COL5A1: variants seen among roughly 807,000 people sequenced by gnomAD.
COL5A1 encodes collagen type V alpha 1 chain.
A neutral mutation model predicts 263.7 loss-of-function variants in COL5A1; 16 were observed. The observed-to-expected ratio is 0.06, with a 90% confidence interval of 0.04 to 0.09. The LOEUF (loss-of-function observed/expected upper bound fraction) is 0.09, where lower values mean the gene tolerates loss of function less well. COL5A1 is among the 10% of genes least tolerant of loss of function. The pLI, the probability that COL5A1 is intolerant of heterozygous loss-of-function variation, is 1.00. For missense variants in COL5A1, 2,036 were observed against 2,540.5 expected, an observed-to-expected ratio of 0.80 and a Z score of 4.27; for synonymous variants, 1,012 against 1,004.5, an observed-to-expected ratio of 1.01 and a Z score of -0.14.
At chr9:134,733,126 G>A (rs964746958) in intron 9 of COL5A1, among the ~76,000 whole-genome samples, 1 of 152,226 alleles carries the variant, frequency 6.6e-6, no homozygotes. Context: ...CCAGGACTCA[G>A]TTCCTGAGGG....
chr9:134,768,285 T>G, intron 24 of COL5A1, 125 bp from the exon 25 acceptor site: 4 of 923,642 alleles, frequency 4.3e-6, no homozygotes, highest in Non-Finnish European at 5.4e-6. Flanking sequence ...ACCCAGTGCC[T>G]CTGACCACAC....
rs1032385002 is a variant in COL5A1, at chr9:134,819,514, T to C, written c.4446+461T>C. On this transcript the variant is annotated intron_variant, in intron 57 of 65. Transcript: ENST00000371817. Reference sequence around the variant, plus strand: ...ACATAAAAGGTACTCAGGAGTGAGATGGTTGTATATGAAGCAGAAGGCAGT... The same window carrying C: ...ACATAAAAGGTACTCAGGAGTGAGACGGTTGTATATGAAGCAGAAGGCAGT... Among the ~76,000 whole-genome samples the C allele has an allele frequency of 2.0e-5, 3 of 152,322 alleles. No individual in the cohort carries two copies. In the East Asian group the frequency reaches 5.8e-4, roughly 29 times the overall value.
intron 1 of COL5A1, among the ~76,000 whole-genome samples, chr9:134,656,800 A>AGCT (rs1831988379): frequency 6.6e-6 from 1 of 150,976 alleles, no homozygotes; most frequent in Admixed American, 6.6e-5. Flanking sequence ...TGCTGTTTGC[A>AGCT]GCTTCAGGCC....
rs1836618078 is a variant in COL5A1 at position 134,765,304 on chromosome 9, A to G, written c.2035-377A>G. On this transcript the variant is annotated intron_variant, in intron 20 of 65. Transcript: ENST00000371817. The surrounding 1 kb of genome is among the most constrained non-coding windows in gnomAD (Gnocchi z 5.1). ...TCAGGAGCGAGCCGGTAATGAGGAT[A>G]GGGCACAAGGGCTCCGTGCAGTGGA... 6.6e-6 allele frequency among the ~76,000 whole-genome samples: 1 copy of G among 152,142 alleles called. No homozygotes were observed. The highest frequency in any genetic ancestry group is 2.4e-5 in the African/African-American group (1 of 41,416).
chr9:134,780,543 A>G (rs759323882), intron 28 of COL5A1, among the ~76,000 whole-genome samples: 1 of 152,164 alleles, frequency 6.6e-6, no homozygotes, highest in Non-Finnish European at 1.5e-5. Flanking sequence ...CTTAGTTGTT[A>G]GATGTTCATC....
chr9:134,791,445 C>T (rs1325987617), intron 32 of COL5A1, among the ~76,000 whole-genome samples: 6 of 152,140 alleles, frequency 3.9e-5, no homozygotes, highest in East Asian at 3.8e-4. Context: ...TCAGTGGCAT[C>T]GTCACTGCAG....
intron 65 of COL5A1, among the ~76,000 whole-genome samples, chr9:134,835,995 G>T (rs1340606612): frequency 6.6e-6 from 1 of 152,218 alleles, no homozygotes; most frequent in African/African-American, 2.4e-5. Context: ...AGAGGCTGGA[G>T]GTGGGAATCG....
intron 63 of COL5A1, among the ~76,000 whole-genome samples, chr9:134,827,511 AGGTTT>A (rs1306929927): frequency 1.3e-5 from 2 of 152,222 alleles, no homozygotes; most frequent in African/African-American, 4.8e-5. Flanking sequence ...CTTAGAAAAG[AGGTTT>A]CTCGGCCCTC....
chr9:134,662,951 G>A (rs1488779495), intron 1 of COL5A1, among the ~76,000 whole-genome samples: 1 of 152,236 alleles, frequency 6.6e-6, no homozygotes, highest in Non-Finnish European at 1.5e-5. Flanking sequence ...GCTACTGCCT[G>A]CTCTGTGAGC....
rs146583565 is a variant in COL5A1 at position 134,732,410 on chromosome 9, G to T, written c.1389+283G>T. 4 of 572,956 alleles carry T rather than the reference G, an allele frequency of 7.0e-6. No individual in the cohort carries two copies. The East Asian group carries it at 1.2e-4, about 17-fold the overall frequency. 35.5% of individuals were successfully genotyped at this position (572,956 alleles called of 1,614,324 possible). On this transcript the variant is annotated intron_variant, in intron 9 of 65. Coordinates refer to ENST00000371817, the MANE Select transcript of COL5A1 (RefSeq NM_000093.5). Reference sequence around the variant, plus strand: ...GCTCTGGGCATCTCAGTGCTGGTCAGTTTCACCTGGGATGAAAAGCAGCTC... The same window carrying T: ...GCTCTGGGCATCTCAGTGCTGGTCATTTTCACCTGGGATGAAAAGCAGCTC...
At chr9:134,710,206 C>G (rs1181655521) in intron 4 of COL5A1, among the ~76,000 whole-genome samples, 3 of 152,220 alleles carry the variant, frequency 2.0e-5, no homozygotes, top group Non-Finnish European at 4.4e-5. Flanking sequence ...CGGCCCGCCC[C>G]GTGCTCACTC....
intron 18 of COL5A1, among the ~76,000 whole-genome samples, chr9:134,760,536 A>G: frequency 9.2e-6 from 1 of 108,878 alleles, no homozygotes; most frequent in South Asian, 3.5e-4. Context: ...CCCCACACTC[A>G]TACACCCACA....
chr9:134,835,129 C>T lies in COL5A1; in HGVS notation c.5295C>T (p.Arg1765=), dbSNP rs1564187943. Residue 1765 remains arginine, a synonymous_variant, in exon 65 of 66, where the codon CGC becomes CGT. Coordinates refer to ENST00000371817, the MANE Select transcript of COL5A1 (RefSeq NM_000093.5). ...AATGSYDKAL[R]FLGSNDEEMS... ...CGGGCAGCTACGACAAGGCCCTCCGCTTCCTGGGCTCCAACGACGAGGAGA... is the reference window on the plus strand; with the variant it reads ...CGGGCAGCTACGACAAGGCCCTCCGTTTCCTGGGCTCCAACGACGAGGAGA... 1.2e-6 allele frequency: 2 copies of T among 1,613,896 alleles called. No homozygotes were observed. Among genetic ancestry groups the T allele is most frequent in the Non-Finnish European group, 1.7e-6 (2 of 1,180,034 alleles).
At position 134,700,154 on chromosome 9, in the gene COL5A1, T is replaced by A; in HGVS notation, c.491+32T>A. 6.3e-7 allele frequency: 1 copy of A among 1,584,500 alleles called. No homozygotes were observed. The highest frequency in any genetic ancestry group is 1.7e-5 in the Admixed American group (1 of 59,880). On this transcript the variant is annotated intron_variant, in intron 3 of 65. Coordinates refer to ENST00000371817, the MANE Select transcript of COL5A1 (RefSeq NM_000093.5). This position sits in a 1 kb window ranked among gnomAD's most constrained non-coding sequence, Gnocchi z 4.0. ...GGGCACTTCTGGGCAACTGTCCCCC[T>A]GCTGGAGGGGGGATCAGGCCAGCTC...
intron 14 of COL5A1, 97 bp from the exon 15 acceptor site, chr9:134,753,753 G>C: frequency 1.4e-6 from 1 of 716,738 alleles, no homozygotes; most frequent in Non-Finnish European, 2.5e-6. Context: ...CCGAAGCCCT[G>C]TCCCCTCCCC....
intron 22 of COL5A1, 90 bp downstream of exon 22, chr9:134,766,588 A>G (rs1327508669): frequency 7.4e-7 from 1 of 1,347,812 alleles, no homozygotes; most frequent in Admixed American, 1.9e-5. Flanking sequence ...CGCTGTCCAC[A>G]TCAGCTGGGA....
chr9:134,831,734 CAGAA>C (rs1298759976), intron 64 of COL5A1, among the ~76,000 whole-genome samples: 1 of 152,216 alleles, frequency 6.6e-6, no homozygotes, highest in African/African-American at 2.4e-5. Flanking sequence ...ATGGGAAAAG[CAGAA>C]AGAGCCTATT....
At chr9:134,784,624 T>G (rs1837383455) in intron 29 of COL5A1, among the ~76,000 whole-genome samples, 1 of 152,250 alleles carries the variant, frequency 6.6e-6, no homozygotes, top group African/African-American at 2.4e-5. Flanking sequence ...TCTGCTCTAT[T>G]TGGAGAAACA....
Position 134,821,954 on chromosome 9 carries a change from C to A in COL5A1, c.4555-143C>A. On this transcript the variant is annotated intron_variant, in intron 58 of 65. Transcript: ENST00000371817. This position sits in a 1 kb window ranked among gnomAD's most constrained non-coding sequence, Gnocchi z 4.2. ...TGCACAGCCCAGGATCAGAAAGCAG[C>A]CACAGGAGGCTGCTGAGGGGCCAAA... 1 of 763,938 alleles carries A rather than the reference C, an allele frequency of 1.3e-6. No individual in the cohort carries two copies. Among genetic ancestry groups the A allele is most frequent in the Non-Finnish European group, 2.3e-6 (1 of 427,084 alleles). The allele number at this position is 763,938 out of a possible 1,614,324, so 47.3% of individuals were successfully genotyped here.
Sources: gnomAD v4.1 joint callset for allele counts (sites outside exome capture counted in the v4.1 genomes callset) on GRCh38, gnomAD v4.1.1 for gene constraint, Gnocchi (gnomAD v3.1) non-coding constraint, MANE v1.5 for transcripts, NCBI Gene and HGNC (gene_info 2026-07-23, HGNC 2026-07-21) for gene names.